The following CSMD1 variants were observed in gnomAD, a reference collection of about 807,000 sequenced individuals.
CSMD1 encodes the protein CUB and Sushi multiple domains 1.
A neutral mutation model predicts 417.5 loss-of-function variants in CSMD1; 213 were observed. The observed-to-expected ratio is 0.51, with a 90% CI of 0.46 to 0.57. CSMD1 has a LOEUF of 0.57. Among genes scored for constraint, CSMD1 ranks in the 20% least tolerant of loss-of-function variants. The probability of loss-of-function intolerance (pLI) is 0.00; values close to 1 mark genes in which losing one functional copy is unlikely to be tolerated. For synonymous variants in CSMD1, 2,862 were observed against 1,736.8 expected, an observed-to-expected ratio of 1.65 and a Z score of -16.11; for missense variants, 6,923 against 4,529.7, an observed-to-expected ratio of 1.53 and a Z score of -15.17.
chr8:2,990,650 C>A (rs1806305263), intron 54 of CSMD1, among the ~76,000 whole-genome samples: 1 of 152,166 alleles, frequency 6.6e-6, no homozygotes, highest in African/African-American at 2.4e-5. Context: ...CATTCCTCCT[C>A]CCTCCTAAAT....
At chr8:3,487,382 T>C (rs1257660397) in intron 11 of CSMD1, among the ~76,000 whole-genome samples, 1 of 152,052 alleles carries the variant, frequency 6.6e-6, no homozygotes, top group Non-Finnish European at 1.5e-5. Context: ...TTTGTATTTT[T>C]AGTAGAGACA....
chr8:3,106,492 T>C, intron 46 of CSMD1, 36 bp downstream of exon 46: 1 of 1,282,564 alleles, frequency 7.8e-7, no homozygotes, highest in Non-Finnish European at 1.1e-6. Flanking sequence ...CCATGTTGAA[T>C]AAGTTTATGT....
chr8:4,730,718 G>A (rs1429039779), intron 1 of CSMD1, among the ~76,000 whole-genome samples: 1 of 151,800 alleles, frequency 6.6e-6, no homozygotes, highest in Non-Finnish European at 1.5e-5. Context: ...TCCAGCCTGG[G>A]CGACAGAGCG....
intron 5 of CSMD1, among the ~76,000 whole-genome samples, chr8:3,891,933 G>C (rs1376325780): frequency 6.6e-6 from 1 of 151,998 alleles, no homozygotes; most frequent in Non-Finnish European, 1.5e-5. Context: ...AAACTCTTAA[G>C]AGCAAAATGA....
At chr8:4,495,219 G>A (rs987598050) in intron 2 of CSMD1, among the ~76,000 whole-genome samples, 1 of 152,120 alleles carries the variant, frequency 6.6e-6, no homozygotes. Context: ...TTTTATAAAA[G>A]GATTAATAAT....
chr8:4,118,197 T>C (rs1008718244), intron 3 of CSMD1, among the ~76,000 whole-genome samples: 1 of 152,088 alleles, frequency 6.6e-6, no homozygotes, highest in African/African-American at 2.4e-5. Flanking sequence ...GGCAAATAGC[T>C]ATTAATATTA....
chr8:4,594,212 T>TTTTTTTTTTTTTTC, intron 2 of CSMD1, among the ~76,000 whole-genome samples: 1 of 147,334 alleles, frequency 6.8e-6, no homozygotes, highest in Non-Finnish European at 1.5e-5. Context: ...TTTTTTTTTT[T>TTTTTTTTTTTTTTC]TTTTTCTCTG....
At chr8:4,909,827 G>A (rs182308640) in intron 1 of CSMD1, among the ~76,000 whole-genome samples, 2 of 152,238 alleles carry the variant, frequency 1.3e-5, no homozygotes, top group African/African-American at 4.8e-5. Context: ...TTTCCAGGTG[G>A]CAATTTAACT....
At chr8:4,943,509 GAAATA>G (rs71209140) in intron 1 of CSMD1, among the ~76,000 whole-genome samples, 66,931 of 147,012 alleles carry the variant, frequency 0.46, 15,922 homozygotes, top group African/African-American at 0.57. Context: ...AAAATAAAAT[GAAATA>G]AAATAAAATA....
intron 2 of CSMD1, among the ~76,000 whole-genome samples, chr8:4,520,315 C>T (rs1181113272): frequency 6.6e-6 from 1 of 152,170 alleles, no homozygotes; most frequent in Non-Finnish European, 1.5e-5. Context: ...TAATGTAGAA[C>T]ATTTGCTGTA....
chr8:3,344,449 T>G (rs1243093456), intron 22 of CSMD1, among the ~76,000 whole-genome samples: 1 of 152,104 alleles, frequency 6.6e-6, no homozygotes, highest in Non-Finnish European at 1.5e-5. Flanking sequence ...ATCCCAGAGC[T>G]TAAGATAAAA....
intron 3 of CSMD1, among the ~76,000 whole-genome samples, chr8:4,317,673 A>G (rs1437295983): frequency 6.6e-6 from 1 of 152,136 alleles, no homozygotes; most frequent in Non-Finnish European, 1.5e-5. Context: ...TTAAATCAAT[A>G]GTTCTTTATA....
At chr8:2,985,965 G>GAAGGGGAAGGGA (rs1404412460) in intron 54 of CSMD1, among the ~76,000 whole-genome samples, 10 of 133,422 alleles carry the variant, frequency 7.5e-5, no homozygotes, top group African/African-American at 1.7e-4. Context: ...AGGGGAAGGG[G>GAAGGGGAAGGGA]AAGGGGAAGG....
At chr8:3,163,307 G>C (rs1051059886) in intron 37 of CSMD1, among the ~76,000 whole-genome samples, 2 of 151,894 alleles carry the variant, frequency 1.3e-5, no homozygotes, top group African/African-American at 4.8e-5. Flanking sequence ...TTTAGTTCTT[G>C]TACTTCACAA....
In CSMD1 at chr8:3,014,083, CTAT is replaced by C. The variant is rs1407335660; in HGVS notation, c.8029+4391_8029+4393del. The stretch of plus-strand genomic sequence containing the variant: ...TCTGAGAAAAATTTTACATTAATTT[CTAT>C]TATATTATTTTGTTTGTCCTATCGT... On this transcript the variant is annotated intron_variant, in intron 52 of 69. Coordinates refer to ENST00000635120, the MANE Select transcript of CSMD1 (RefSeq NM_033225.6). Among the ~76,000 whole-genome samples the C allele has an allele frequency of 2.0e-5, 3 of 152,060 alleles. No individual in the cohort carries two copies. In the South Asian group the frequency reaches 6.2e-4, roughly 32 times the overall value.
chr8:3,949,378 C>A (rs1811450483), intron 5 of CSMD1, among the ~76,000 whole-genome samples: 2 of 152,186 alleles, frequency 1.3e-5, no homozygotes, highest in Non-Finnish European at 2.9e-5. Context: ...TCCCTGGAAA[C>A]AACCACTTTA....
In CSMD1 at chr8:4,018,022, T is replaced by G. The variant is rs549130099; in HGVS notation, c.610+13883A>C. ...TTCATGAGTATGGTTTGTCCACTCG[T>G]AACTGTCATACCCATGAAACTGTCA... is the stretch of plus-strand genomic sequence containing the variant. On this transcript the variant is annotated intron_variant, in intron 4 of 69. Transcript: ENST00000635120. Among the ~76,000 whole-genome samples, 6 of 152,288 alleles carry G rather than the reference T, an allele frequency of 3.9e-5. No individual in the cohort carries two copies. The East Asian group carries it at 1.2e-3, about 29-fold the overall frequency.
rs550461706 is a variant in CSMD1 at position 4,209,957 on chromosome 8, G to T, written c.416-177858C>A. Among the ~76,000 whole-genome samples the T allele has an allele frequency of 1.2e-4, 18 of 152,278 alleles. No homozygotes were observed. The East Asian group carries it at 3.5e-3, about 29-fold the overall frequency. ...GTGTTGCTATGACAATGGTAAACTGGCATGGCACACTGGAGGAGGTGTCTT... is the reference window on the plus strand; with the variant it reads ...GTGTTGCTATGACAATGGTAAACTGTCATGGCACACTGGAGGAGGTGTCTT... On this transcript the variant is annotated intron_variant, in intron 3 of 69. Transcript: ENST00000635120.
At chr8:4,927,099 T>G (rs532226632) in intron 1 of CSMD1, among the ~76,000 whole-genome samples, 3 of 148,492 alleles carry the variant, frequency 2.0e-5, no homozygotes, top group Admixed American at 1.4e-4. Context: ...TTATTATTAT[T>G]ATTATTATTA....
Sources: allele counts gnomAD v4.1 joint callset (sites outside exome capture counted in the v4.1 genomes callset), GRCh38; gene constraint gnomAD v4.1.1; transcripts MANE v1.5; gene names NCBI Gene and HGNC (gene_info 2026-07-23, HGNC 2026-07-21).